CLSTN2: variants seen among roughly 807,000 people sequenced by gnomAD.
The protein encoded by CLSTN2 is calsyntenin 2, also known as calsyntenin-2.
In CLSTN2, 48 loss-of-function variants were observed where a neutral mutation model predicts 101.2. That is an observed-to-expected ratio of 0.47 (90% CI 0.38 to 0.60). CLSTN2 has a LOEUF of 0.60. Ranked by LOEUF, CLSTN2 falls within the 20% of genes least tolerant of loss-of-function variation. The pLI is 0.00. For synonymous variants in CLSTN2, 481 were observed against 463.6 expected (o/e 1.04, Z -0.48); for missense variants, 1,160 against 1,238.2 (o/e 0.94, Z 0.95).
rs774126983 is a variant in CLSTN2, at chr3:140,546,499, G to A, written c.1508-16G>A. The A allele has an allele frequency of 4.3e-6, 7 of 1,612,750 alleles. No individual in the cohort carries two copies. The South Asian group carries it at 6.6e-5, about 15-fold the overall frequency. On this transcript the variant is annotated splice_polypyrimidine_tract_variant and intron_variant, in intron 9 of 16. Coordinates refer to ENST00000458420, the MANE Select transcript of CLSTN2 (RefSeq NM_022131.3). Reference sequence around the variant, plus strand: ...CCCAGTCTTCACAGGGCAAATGATGGTGTTTGTTTTTTCAGGAGGAGAAGT... The same window carrying A: ...CCCAGTCTTCACAGGGCAAATGATGATGTTTGTTTTTTCAGGAGGAGAAGT...
intron 2 of CLSTN2, among the ~76,000 whole-genome samples, chr3:140,258,151 C>T (rs2086619339): frequency 6.6e-6 from 1 of 152,148 alleles, no homozygotes; most frequent in Admixed American, 6.5e-5. Flanking sequence ...ATTCTATCTT[C>T]ATAGCTTTTT....
intron 2 of CLSTN2, among the ~76,000 whole-genome samples, chr3:140,338,409 C>G (rs946882239): frequency 6.6e-6 from 1 of 152,250 alleles, no homozygotes; most frequent in Admixed American, 6.5e-5. Context: ...GTAAGTCGAC[C>G]CTGCTTATGC....
chr3:140,258,018 A>G (rs1255060841), intron 2 of CLSTN2, among the ~76,000 whole-genome samples: 1 of 151,922 alleles, frequency 6.6e-6, no homozygotes, highest in Non-Finnish European at 1.5e-5. Context: ...ACTAAATGTT[A>G]TTATGTATTA....
rs1359571208 is a variant in CLSTN2, at chr3:140,568,786, C to CAT, written c.*2535_*2536dup. On this transcript the variant is annotated 3_prime_UTR_variant, in exon 17 of 17. Coordinates refer to ENST00000458420, the MANE Select transcript of CLSTN2 (RefSeq NM_022131.3). ...ATGCTCTCTGGGTGGCTGCCTTATT[C>CAT]ATAGTTGAGAGAGCTGTTAGGTAAA... 1 of 151,898 alleles carries CAT rather than the reference C, an allele frequency of 6.6e-6. No individual in the cohort carries two copies. The highest frequency in any genetic ancestry group is 1.5e-5 in the Non-Finnish European group (1 of 68,004). The allele number at this position is 151,898 out of a possible 1,614,324, so 9.4% of individuals were successfully genotyped here. A position where few individuals can be genotyped will look rare whatever the true frequency, so the allele number is the denominator to read the frequency against.
chr3:140,129,159 T>C (rs1395002959), intron 1 of CLSTN2, among the ~76,000 whole-genome samples: 3 of 86,378 alleles, frequency 3.5e-5, no homozygotes, highest in Admixed American at 1.5e-4. Flanking sequence ...ATTGATTTGA[T>C]TCCTACCACT....
intron 2 of CLSTN2, among the ~76,000 whole-genome samples, chr3:140,403,215 C>A (rs527276234): frequency 6.6e-6 from 1 of 152,134 alleles, no homozygotes; most frequent in Non-Finnish European, 1.5e-5. Context: ...CATAGACTCA[C>A]GCCCACTGTT....
intron 1 of CLSTN2, among the ~76,000 whole-genome samples, chr3:140,130,971 C>T (rs1331905949): frequency 6.6e-6 from 1 of 152,018 alleles, no homozygotes; most frequent in Non-Finnish European, 1.5e-5. Context: ...GAGTTTCTCC[C>T]CCTGGACCCC....
intron 1 of CLSTN2, among the ~76,000 whole-genome samples, chr3:140,071,254 C>T (rs753428197): frequency 2.3e-4 from 35 of 151,980 alleles, no homozygotes; most frequent in Middle Eastern, 6.8e-3. Flanking sequence ...CAATACCTTC[C>T]GCATGCTTTC....
intron 1 of CLSTN2, among the ~76,000 whole-genome samples, chr3:140,170,323 T>A (rs2010192672): frequency 6.6e-6 from 1 of 152,160 alleles, no homozygotes. Flanking sequence ...CCCTGATGAT[T>A]TGATCTATAG....
intron 8 of CLSTN2, among the ~76,000 whole-genome samples, chr3:140,524,739 C>T (rs1337316187): frequency 6.6e-6 from 1 of 152,148 alleles, no homozygotes; most frequent in East Asian, 1.9e-4. Flanking sequence ...CAAAACCATA[C>T]TAAGCACACT....
At chr3:140,538,433 G>C (rs1935402072) in intron 9 of CLSTN2, among the ~76,000 whole-genome samples, 1 of 152,134 alleles carries the variant, frequency 6.6e-6, no homozygotes, top group Non-Finnish European at 1.5e-5. Context: ...GAAAAGCCAA[G>C]GGAAAAGCCA....
intron 2 of CLSTN2, among the ~76,000 whole-genome samples, chr3:140,348,562 T>C (rs1158360491): frequency 6.6e-6 from 1 of 152,172 alleles, no homozygotes; most frequent in Non-Finnish European, 1.5e-5. Context: ...CAACATGAGT[T>C]TCACTATTTT....
chr3:140,457,204 G>A (rs533225360), intron 6 of CLSTN2, among the ~76,000 whole-genome samples: 8 of 152,250 alleles, frequency 5.3e-5, no homozygotes, highest in African/African-American at 1.9e-4. Flanking sequence ...TCTCTGCACC[G>A]GGCCCTGCTA....
At position 140,125,147 on chromosome 3, in the gene CLSTN2, TA is replaced by T. The variant is rs941815370; in HGVS notation, c.110-50803del. On this transcript the variant is annotated intron_variant, in intron 1 of 16. Coordinates refer to ENST00000458420, the MANE Select transcript of CLSTN2 (RefSeq NM_022131.3). ...CCAACTTTAGTGGGTTGAGGGAGGATAGGGGGAGAGGAAGTGATAACCATGG... is the reference window on the plus strand; with the variant it reads ...CCAACTTTAGTGGGTTGAGGGAGGATGGGGGAGAGGAAGTGATAACCATGG... 1.8e-4 allele frequency among the ~76,000 whole-genome samples: 28 copies of T among 151,826 alleles called. 1 individual carries two copies. The highest frequency in any genetic ancestry group is 5.8e-4 in the African/African-American group (24 of 41,412).
intron 1 of CLSTN2, among the ~76,000 whole-genome samples, chr3:139,984,648 T>C (rs1288346042): frequency 6.6e-6 from 1 of 152,170 alleles, no homozygotes; most frequent in Admixed American, 6.5e-5. Context: ...CTCTGACCCT[T>C]GTATTGGCCT....
At chr3:140,276,905 T>C (rs2107893672) in intron 2 of CLSTN2, among the ~76,000 whole-genome samples, 2 of 152,254 alleles carry the variant, frequency 1.3e-5, no homozygotes, top group Non-Finnish European at 2.9e-5. Context: ...TAAGAAAGCC[T>C]GTAGGCAGAG....
At chr3:140,548,199 TA>T (rs1935637224) in intron 10 of CLSTN2, among the ~76,000 whole-genome samples, 1 of 152,216 alleles carries the variant, frequency 6.6e-6, no homozygotes, top group Non-Finnish European at 1.5e-5. Context: ...AGTATTCTGT[TA>T]TAGGCTAGTT....
At chr3:140,224,955 G>A (rs886412867) in intron 2 of CLSTN2, among the ~76,000 whole-genome samples, 2 of 152,164 alleles carry the variant, frequency 1.3e-5, no homozygotes, top group Admixed American at 6.5e-5. Flanking sequence ...GCAACCCAAG[G>A]AAGGGCAGCC....
At chr3:140,050,009 C>G (rs1000837976) in intron 1 of CLSTN2, among the ~76,000 whole-genome samples, 1 of 152,196 alleles carries the variant, frequency 6.6e-6, no homozygotes, top group Non-Finnish European at 1.5e-5. Context: ...CCTGGATTAG[C>G]TACCAGGGTC....
Sources: gnomAD v4.1 joint callset for allele counts (sites outside exome capture counted in the v4.1 genomes callset) on GRCh38, gnomAD v4.1.1 for gene constraint, MANE v1.5 for transcripts, NCBI Gene and HGNC (gene_info 2026-07-23, HGNC 2026-07-21) for gene names.